Variants in FRMPD3 observed in about 807,000 individuals in gnomAD.
FRMPD3 encodes the protein FERM and PDZ domain-containing protein 3.
A neutral mutation model predicts 97.9 loss-of-function variants in FRMPD3; 42 were observed. That is an observed-to-expected ratio of 0.43 (90% CI 0.34 to 0.55). The LOEUF (loss-of-function observed/expected upper bound fraction) is 0.55. FRMPD3 is among the 20% of genes least tolerant of loss of function. FRMPD3 has a pLI of 0.03. For missense variants in FRMPD3, 1,303 were observed against 1,457.7 expected (o/e 0.89, Z 1.73); for synonymous variants, 577 against 581.1 (o/e 0.99, Z 0.10).
intron 1 of FRMPD3, among the ~76,000 whole-genome samples, chrX:107,523,325 C>T (rs1052075749): frequency 1.3e-4 from 14 of 111,931 alleles, no homozygotes; most frequent in Non-Finnish European, 1.1e-4. Context: ...TAGTCCAGCT[C>T]AGTTAGGGAC....
At chrX:107,483,245 G>C (rs1821253189) in intron 1 of FRMPD3, among the ~76,000 whole-genome samples, 1 of 112,650 alleles carries the variant, frequency 8.9e-6, no homozygotes, top group African/African-American at 3.2e-5. Flanking sequence ...CCTGGTGCAA[G>C]ACTAAGTGGA....
rs1924457882 is a variant in FRMPD3 at position 107,600,732 on chromosome X, C to G, written c.2693C>G (p.Pro898Arg). 4 of 1,201,779 alleles carry G rather than the reference C, an allele frequency of 3.3e-6. No homozygotes were observed. In the South Asian group the frequency reaches 7.2e-5, roughly 22 times the overall value. Reference protein sequence around the residue: ...QKNLSLLSPVPEDKGPGHTRA... With the variant: ...QKNLSLLSPVREDKGPGHTRA... ...AATCTGAGTCTGCTGTCCCCAGTTC[C>G]TGAGGACAAAGGGCCTGGCCACACT... Residue 898 changes from proline to arginine, a missense_variant, in exon 15 of 15, where the codon CCT becomes CGT. By Grantham distance (103) the Pro-to-Arg change is moderately radical (BLOSUM62 -2). Around this residue, in one of 3 missense-constraint regions of FRMPD3, gnomAD observed 764 missense variants for 820.2 expected, o/e 0.93. Coordinates refer to ENST00000683843, the MANE Select transcript of FRMPD3 (RefSeq NM_001388459.1).
chrX:107,533,401 A>G (rs969472376), intron 3 of FRMPD3, 104 bp from the exon 4 acceptor site: 42 of 696,576 alleles, frequency 6.0e-5, no homozygotes, highest in Middle Eastern at 4.1e-4. Flanking sequence ...ATCCTAATCC[A>G]TATACCTGAA....
At chrX:107,508,352 G>A (rs1031750924) in intron 1 of FRMPD3, among the ~76,000 whole-genome samples, 7 of 112,148 alleles carry the variant, frequency 6.2e-5, no homozygotes, top group Non-Finnish European at 9.4e-5. Flanking sequence ...AACCGAGTGC[G>A]CTATAACAAG....
chrX:107,510,261 G>A (rs1922133221), intron 1 of FRMPD3, among the ~76,000 whole-genome samples: 1 of 111,341 alleles, frequency 9.0e-6, no homozygotes, highest in Non-Finnish European at 1.9e-5. Context: ...AAATGCCTGG[G>A]TCTGCTTTTC....
chrX:107,533,429 T>A (rs1243234539), intron 3 of FRMPD3, 76 bp from the exon 4 acceptor site: 1 of 909,113 alleles, frequency 1.1e-6, no homozygotes, highest in African/African-American at 2.0e-5. Context: ...AGGGGAAGAT[T>A]CTGGTGTTGC....
intron 3 of FRMPD3, among the ~76,000 whole-genome samples, chrX:107,531,713 C>T (rs1012716581): frequency 9.0e-6 from 1 of 111,134 alleles, no homozygotes; most frequent in African/African-American, 3.3e-5. Context: ...ATTTCCCTAC[C>T]CTCCACCCTC....
chrX:107,455,563 C>CTAAA (rs886384339), intron 1 of FRMPD3, among the ~76,000 whole-genome samples: 9 of 110,544 alleles, frequency 8.1e-5, no homozygotes, highest in East Asian at 2.8e-4. Flanking sequence ...GACCCTGTCT[C>CTAAA]TAAATAAATA....
chrX:107,483,799 C>T (rs1921435627), intron 1 of FRMPD3, among the ~76,000 whole-genome samples: 1 of 111,506 alleles, frequency 9.0e-6, no homozygotes, highest in African/African-American at 3.3e-5. Context: ...CTAATGCGGG[C>T]GTGGGGTAGG....
intron 3 of FRMPD3, among the ~76,000 whole-genome samples, chrX:107,530,751 C>T (rs1335676158): frequency 9.0e-6 from 1 of 111,186 alleles, no homozygotes; most frequent in African/African-American, 3.3e-5. Context: ...GAACTCCCTG[C>T]TGGAGTCTCA....
At chrX:107,528,601 G>A (rs1000324577) in intron 2 of FRMPD3, among the ~76,000 whole-genome samples, 3 of 112,652 alleles carry the variant, frequency 2.7e-5, no homozygotes, top group Non-Finnish European at 5.6e-5. Flanking sequence ...TGTTTTAAGT[G>A]CTGTATATTT....
In FRMPD3 at chrX:107,601,156, C is replaced by T. The variant is rs1191432963; in HGVS notation, c.3117C>T (p.Gly1039=). ...EVSSSPRAPT[G]SRADSLHLSQ... is the part of the protein sequence containing the mutation. ...CTTCCAGCCCCAGAGCACCCACAGG[C>T]AGCCGGGCTGACAGCCTGCACCTCT... Residue 1039 remains glycine (G), a synonymous_variant, in exon 15 of 15, where the codon GGC becomes GGT. Coordinates refer to ENST00000683843, the MANE Select transcript of FRMPD3 (RefSeq NM_001388459.1). 3.3e-6 allele frequency: 4 copies of T among 1,208,949 alleles called. No homozygotes were observed. In the African/African-American group the frequency reaches 7.0e-5, roughly 21 times the overall value.
Position 107,510,435 on chromosome X carries a change from C to A in FRMPD3, c.-7-16147C>A, listed in dbSNP as rs1355064795. The stretch of plus-strand genomic sequence containing the variant: ...ACTCCCTGCCTGTCCCTGATGCATC[C>A]AAAGACGAGCCCACAGGTGCTCTGA... On this transcript the variant is annotated intron_variant, in intron 1 of 14. Coordinates refer to ENST00000683843, the MANE Select transcript of FRMPD3 (RefSeq NM_001388459.1). Among the ~76,000 whole-genome samples, 7 of 111,329 alleles carry A rather than the reference C, an allele frequency of 6.3e-5. No homozygotes were observed. The Admixed American group carries it at 6.7e-4, about 11-fold the overall frequency.
At chrX:107,545,623 T>C in intron 4 of FRMPD3, 114 bp from the exon 5 acceptor site, 1 of 518,979 alleles carries the variant, frequency 1.9e-6, no homozygotes, top group Non-Finnish European at 3.2e-6. Flanking sequence ...GTTTATTGAC[T>C]CCTTGATCAG....
rs769566609 is a variant in FRMPD3, at chrX:107,601,445, C to T, written c.3406C>T (p.Pro1136Ser). 13 of 1,174,188 alleles carry T rather than the reference C, an allele frequency of 1.1e-5. No homozygotes were observed. Among genetic ancestry groups the T allele is most frequent in the Non-Finnish European group, 1.5e-5 (13 of 878,143 alleles). The part of the protein sequence containing the change: ...RATYPMALQS[P>S]SCQSRSHSPS... ...TACCTACCCCATGGCTCTGCAGAGC[C>T]CCAGCTGCCAGTCAAGAAGCCACAG... The change falls in exon 15 of 15, where the codon CCC becomes TCC. Residue 1136 changes from proline (P) to serine (S), a missense_variant. Pro to Ser is a moderately conservative substitution (Grantham distance 74). This residue lies in a region of FRMPD3 where 764 missense variants were observed against 820.2 expected (regional missense o/e 0.93). Transcript: ENST00000683843.
chrX:107,574,952 A>G (rs1923046618), intron 12 of FRMPD3, among the ~76,000 whole-genome samples: 1 of 112,497 alleles, frequency 8.9e-6, no homozygotes. Context: ...TTCCAAGGAG[A>G]ATGTTCCCAA....
At chrX:107,564,019 C>T (rs372872011) in intron 11 of FRMPD3, among the ~76,000 whole-genome samples, 5 of 112,158 alleles carry the variant, frequency 4.5e-5, no homozygotes, top group East Asian at 5.6e-4. Flanking sequence ...TGCGGCACAT[C>T]GGTGGAAAGC....
intron 12 of FRMPD3, among the ~76,000 whole-genome samples, chrX:107,574,457 G>C (rs1416549709): frequency 8.9e-6 from 1 of 112,258 alleles, no homozygotes; most frequent in African/African-American, 3.2e-5. Flanking sequence ...TACAATGGCA[G>C]AGTTGTTGTG....
At chrX:107,560,168 A>G (rs1219703763) in intron 8 of FRMPD3, 89 bp from the exon 9 acceptor site, 1 of 1,045,947 alleles carries the variant, frequency 9.6e-7, no homozygotes, top group Non-Finnish European at 1.3e-6. Context: ...TGATACTATG[A>G]GTATTGTCTG....
Sources: allele counts gnomAD v4.1 joint callset (sites outside exome capture counted in the v4.1 genomes callset), GRCh38; gene constraint gnomAD v4.1.1; regional missense constraint gnomAD v4.1.1; transcripts MANE v1.5; gene names NCBI Gene and HGNC (gene_info 2026-07-23, HGNC 2026-07-21).